POLI: variants seen among roughly 807,000 people sequenced by gnomAD.
The protein encoded by POLI is DNA polymerase iota.
A neutral mutation model predicts 51.6 loss-of-function variants in POLI; 58 were observed. That is an observed-to-expected ratio of 1.12 (90% CI 0.91 to 1.40). The LOEUF (loss-of-function observed/expected upper bound fraction) is 1.40. Ranked by LOEUF, POLI falls within the 40% of genes most tolerant of loss-of-function variation. POLI has a pLI of 0.00. For synonymous variants in POLI, 322 were observed against 299.7 expected, an observed-to-expected ratio of 1.07 and a Z score of -0.77; for missense variants, 921 against 871.3, an observed-to-expected ratio of 1.06 and a Z score of -0.72.
At chr18:54,309,341 C>G (rs910135640) in intron 3 of POLI, among the ~76,000 whole-genome samples, 25 of 152,228 alleles carry the variant, frequency 1.6e-4, no homozygotes, top group Non-Finnish European at 1.3e-4. Flanking sequence ...ACAGTCAGAT[C>G]CCTCAGCTGC....
At chr18:54,277,424 A>G (rs1410336913) in intron 3 of POLI, among the ~76,000 whole-genome samples, 1 of 152,196 alleles carries the variant, frequency 6.6e-6, no homozygotes, top group Non-Finnish European at 1.5e-5. Flanking sequence ...TACTACAGAT[A>G]TAAAAATTAT....
downstream of POLI, among the ~76,000 whole-genome samples, chr18:54,302,544 G>T (rs898487131): frequency 5.3e-5 from 8 of 152,110 alleles, no homozygotes; most frequent in African/African-American, 1.7e-4. Flanking sequence ...TTTGATACAG[G>T]CATGCAATGC....
intron 8 of POLI, among the ~76,000 whole-genome samples, chr18:54,290,305 C>A (rs1450598886): frequency 3.3e-5 from 5 of 151,954 alleles, no homozygotes; most frequent in African/African-American, 1.2e-4. Flanking sequence ...GTTAGAATGG[C>A]GATCATTAAA....
intron 8 of POLI, among the ~76,000 whole-genome samples, chr18:54,290,779 C>T (rs774213116): frequency 1.3e-5 from 2 of 152,060 alleles, no homozygotes; most frequent in African/African-American, 2.4e-5. Context: ...AGTTGAACAA[C>T]GAGGACACAT....
Position 54,295,560 on chromosome 18 carries a change from T to TA in POLI, c.*1096dup, listed in dbSNP as rs1260225814. The TA allele has an allele frequency of 2.4e-6, 2 of 826,858 alleles. No homozygotes were observed. The highest frequency in any genetic ancestry group is 2.9e-6 in the Non-Finnish European group (2 of 685,930). The allele number at this position is 826,858 out of a possible 1,614,324, so 51.2% of individuals were successfully genotyped here. ...TAATCTAAAGAAGAGACTTTAAAAA[T>TA]AAAGTACACAAATATGAACCAAAGA... is the stretch of plus-strand genomic sequence containing the variant. On this transcript the variant is annotated 3_prime_UTR_variant, in exon 10 of 10. Coordinates refer to ENST00000579534, the MANE Select transcript of POLI (RefSeq NM_007195.3).
chr18:54,284,464 A>G (rs1034629129), intron 7 of POLI: 1 of 152,330 alleles, frequency 6.6e-6, no homozygotes, highest in African/African-American at 2.4e-5. Flanking sequence ...CGTGAAATTA[A>G]CCATTTATCT....
intron 3 of POLI, among the ~76,000 whole-genome samples, chr18:54,316,014 C>T (rs2088730418): frequency 6.6e-6 from 1 of 152,028 alleles, no homozygotes; most frequent in Non-Finnish European, 1.5e-5. Context: ...CTCCTAGGCT[C>T]ATGCAATCTT....
intron 3 of POLI, among the ~76,000 whole-genome samples, chr18:54,318,957 G>T (rs953255641): frequency 1.3e-5 from 2 of 152,156 alleles, no homozygotes; most frequent in African/African-American, 4.8e-5. Flanking sequence ...TGTGAACAGT[G>T]TTCCATTTCT....
chr18:54,302,604 T>C (rs1228849778), downstream of POLI, among the ~76,000 whole-genome samples: 1 of 152,214 alleles, frequency 6.6e-6, no homozygotes, highest in Non-Finnish European at 1.5e-5. Context: ...CAAGCATTTA[T>C]CTTTTGTGTT....
chr18:54,307,068 G>GT (rs1170473329), intron 3 of POLI, among the ~76,000 whole-genome samples: 5 of 152,198 alleles, frequency 3.3e-5, no homozygotes, highest in East Asian at 1.9e-4. Flanking sequence ...TTTTTGAAGG[G>GT]TTTTTTGTGT....
intron 1 of POLI, chr18:54,271,110 T>G: frequency 3.3e-6 from 1 of 302,102 alleles, no homozygotes; most frequent in East Asian, 6.0e-5. Context: ...ATTTATCACA[T>G]TTTTTCCCTT....
chr18:54,270,683 G>GT (rs1463967975), intron 1 of POLI: 1 of 152,100 alleles, frequency 6.6e-6, no homozygotes, highest in Admixed American at 6.5e-5. Context: ...TGCCTGTCTT[G>GT]TTTTTAGCCA....
At chr18:54,271,314 T>C (rs1266921037) in intron 1 of POLI, 46 bp from the exon 2 acceptor site, 6 of 1,569,412 alleles carry the variant, frequency 3.8e-6, no homozygotes, top group Non-Finnish European at 5.2e-6. Flanking sequence ...TGCTCAGAGA[T>C]AATAAGCAGC....
intron 8 of POLI, among the ~76,000 whole-genome samples, chr18:54,288,081 G>A (rs1334753556): frequency 2.0e-5 from 3 of 152,108 alleles, no homozygotes; most frequent in Non-Finnish European, 4.4e-5. Context: ...GGATCATATG[G>A]TAACATGAAC....
At chr18:54,271,069 G>C (rs906359525) in intron 1 of POLI, 1 of 210,540 alleles carries the variant, frequency 4.7e-6, no homozygotes. Context: ...TAAACTTCCA[G>C]GTGATAGTAT....
intron 9 of POLI, 89 bp downstream of exon 9, chr18:54,292,127 G>A (rs1346275311): frequency 2.5e-6 from 2 of 798,734 alleles, no homozygotes; most frequent in Non-Finnish European, 4.1e-6. Context: ...TTGTCTTTTT[G>A]ATATAGTTTA....
In POLI at chr18:54,296,985, G is replaced by A. The variant is rs2088362027; in HGVS notation, c.*2518G>A. 3.0e-6 allele frequency: 3 copies of A among 985,026 alleles called. No individual in the cohort carries two copies. The highest frequency in any genetic ancestry group is 2.4e-6 in the Non-Finnish European group (2 of 829,708). The allele number at this position is 985,026 out of a possible 1,614,324, so 61.0% of individuals were successfully genotyped here. A position where few individuals can be genotyped will look rare whatever the true frequency, so the allele number is the denominator to read the frequency against. On this transcript the variant is annotated 3_prime_UTR_variant, in exon 10 of 10. Coordinates refer to ENST00000579534, the MANE Select transcript of POLI (RefSeq NM_007195.3). ...ATGTGTTAATCTGCGAGAAGACAGAGGGCCTAAATTGTGTATGTTTTCCTT... is the reference window on the plus strand; with the variant it reads ...ATGTGTTAATCTGCGAGAAGACAGAAGGCCTAAATTGTGTATGTTTTCCTT...
intron 3 of POLI, among the ~76,000 whole-genome samples, chr18:54,307,733 A>T (rs62091232): frequency 1.3e-5 from 2 of 152,018 alleles, no homozygotes; most frequent in African/African-American, 4.8e-5. Context: ...CTCTTTGTAG[A>T]TCACTAAGGA....
At position 54,294,639 on chromosome 18, in the gene POLI, A is replaced by G. The variant is rs569594550; in HGVS notation, c.*172A>G. 24 of 1,281,782 alleles carry G rather than the reference A, an allele frequency of 1.9e-5. No homozygotes were observed. The African/African-American group carries it at 2.6e-4, about 14-fold the overall frequency. The allele number at this position is 1,281,782 out of a possible 1,614,324, so 79.4% of individuals were successfully genotyped here. A position where few individuals can be genotyped will look rare whatever the true frequency, so the allele number is the denominator to read the frequency against. On this transcript the variant is annotated 3_prime_UTR_variant, in exon 10 of 10. Coordinates refer to ENST00000579534, the MANE Select transcript of POLI (RefSeq NM_007195.3). The stretch of plus-strand genomic sequence containing the variant: ...AAATTCTGGCACAAAGCGTAAAAAT[A>G]TAACAGAAGAAATAATGTAAAATAC...
Sources: allele counts gnomAD v4.1 joint callset (sites outside exome capture counted in the v4.1 genomes callset), GRCh38; gene constraint gnomAD v4.1.1; transcripts MANE v1.5; gene names NCBI Gene and HGNC (gene_info 2026-07-23, HGNC 2026-07-21).